Variants in SEL1L2 observed in about 807,000 individuals in gnomAD.
SEL1L2 encodes the protein protein sel-1 homolog 2.
Under a neutral mutation model 98.8 loss-of-function variants are expected in SEL1L2, and 89 were observed. The ratio of observed to expected loss-of-function variants is 0.90; its 90% CI spans 0.76 to 1.07. The LOEUF is 1.07. Among genes scored for constraint, SEL1L2 ranks in the 50% least tolerant of loss-of-function variants. The pLI, the probability that SEL1L2 is intolerant of heterozygous loss-of-function variation, is 0.00. For missense variants in SEL1L2, 788 were observed against 812.0 expected, an observed-to-expected ratio of 0.97 and a Z score of 0.36; for synonymous variants, 262 against 278.5, an observed-to-expected ratio of 0.94 and a Z score of 0.59.
At position 13,913,934 on chromosome 20, in the gene SEL1L2, G is replaced by C. The variant is rs1236910193; in HGVS notation, c.397C>G (p.Leu133Val). The C allele has an allele frequency of 1.3e-6, 2 of 1,560,148 alleles. No individual in the cohort carries two copies. The highest frequency in any genetic ancestry group is 1.7e-6 in the Non-Finnish European group (2 of 1,162,656). ...CCCATGTCAGCTGCTTTGGCAAAAA[G>C]TAGGTAGGCTCTGTTTCAAGAATAT... Reference protein sequence around the residue: ...SQKQKEEAYLLFAKAADMGNL... With the variant: ...SQKQKEEAYLVFAKAADMGNL... Residue 133 changes from leucine to valine, a missense_variant, in exon 5 of 20, where the codon CTT becomes GTT. By Grantham distance (32) the Leu-to-Val change is conservative. Transcript: ENST00000284951.
At position 13,941,322 on chromosome 20, in the gene SEL1L2, C is replaced by T. The variant is rs141330753; in HGVS notation, c.115-9551G>A. Reference sequence around the variant, plus strand: ...CAAGAATGTTTTGATATCACTTCCCCTCATTACTCTTAAAAATCCCTGATC... The same window carrying T: ...CAAGAATGTTTTGATATCACTTCCCTTCATTACTCTTAAAAATCCCTGATC... On this transcript the variant is annotated intron_variant, in intron 2 of 19. Transcript: ENST00000284951. Among the ~76,000 whole-genome samples the T allele has an allele frequency of 3.0e-3, 458 of 152,274 alleles. 1 individual carries two copies. Among genetic ancestry groups the T allele is most frequent in the African/African-American group, 0.01 (420 of 41,558 alleles).
intron 12 of SEL1L2, among the ~76,000 whole-genome samples, chr20:13,875,792 C>T (rs2046401096): frequency 6.6e-6 from 1 of 152,192 alleles, no homozygotes; most frequent in Non-Finnish European, 1.5e-5. Flanking sequence ...TCTGGCTGAA[C>T]TTCTGTCTGG....
chr20:13,946,685 G>A lies in SEL1L2; in HGVS notation c.114+9391C>T, dbSNP rs796753940. ...CACCTTCCTGGGCACAGCTGTAGCC[G>A]CCCAGCTGCGGCTGCAGACCCAGGC... is the stretch of plus-strand genomic sequence containing the variant. On this transcript the variant is annotated intron_variant, in intron 2 of 19. Transcript: ENST00000284951. Among the ~76,000 whole-genome samples, 18 of 152,314 alleles carry A rather than the reference G, an allele frequency of 1.2e-4. No homozygotes were observed. The South Asian group carries it at 1.2e-3, about 11-fold the overall frequency.
At chr20:13,962,024 C>T (rs918217083) in intron 1 of SEL1L2, among the ~76,000 whole-genome samples, 1 of 152,128 alleles carries the variant, frequency 6.6e-6, no homozygotes, top group Non-Finnish European at 1.5e-5. Flanking sequence ...GGAACTTCAT[C>T]GACATCTTGA....
upstream of SEL1L2, among the ~76,000 whole-genome samples, chr20:13,992,381 G>T (rs571096748): frequency 6.6e-6 from 1 of 152,240 alleles, no homozygotes; most frequent in East Asian, 1.9e-4. Context: ...GTAGATGCCT[G>T]TCATCTCAGC....
At chr20:13,924,302 GCTGCA>G (rs2048786183) in intron 3 of SEL1L2, among the ~76,000 whole-genome samples, 1 of 140,398 alleles carries the variant, frequency 7.1e-6, no homozygotes, top group Non-Finnish European at 1.6e-5. Context: ...TTTTTTCTGG[GCTGCA>G]TTCAGGACAA....
intron 5 of SEL1L2, among the ~76,000 whole-genome samples, chr20:13,908,540 T>G (rs759930527): frequency 1.6e-4 from 24 of 152,208 alleles, no homozygotes; most frequent in Non-Finnish European, 2.9e-4. Flanking sequence ...TTTATAATTC[T>G]AATTTCTGCT....
chr20:13,907,946 A>G (rs1412063308), intron 5 of SEL1L2, among the ~76,000 whole-genome samples: 2 of 147,706 alleles, frequency 1.4e-5, no homozygotes, highest in Admixed American at 6.8e-5. Context: ...CCTGGCTAAT[A>G]CTTACTTATT....
At chr20:13,944,614 CAT>C (rs2049928423) in intron 2 of SEL1L2, among the ~76,000 whole-genome samples, 1 of 152,138 alleles carries the variant, frequency 6.6e-6, no homozygotes, top group Admixed American at 6.5e-5. Context: ...GTCTCAGATC[CAT>C]TTTACACATC....
At chr20:13,890,811 A>G (rs2047173535) in intron 5 of SEL1L2, among the ~76,000 whole-genome samples, 1 of 152,166 alleles carries the variant, frequency 6.6e-6, no homozygotes, top group African/African-American at 2.4e-5. Context: ...GAATATCAAC[A>G]AAGAGAAACT....
Position 13,913,773 on chromosome 20 carries a change from A to C in SEL1L2, c.549+9T>G. 6.6e-7 allele frequency: 1 copy of C among 1,509,938 alleles called. No individual in the cohort carries two copies. Among genetic ancestry groups the C allele is most frequent in the Non-Finnish European group, 8.8e-7 (1 of 1,139,744 alleles). 93.5% of individuals were successfully genotyped at this position (1,509,938 alleles called of 1,614,324 possible). ...GCTATTTAAGGTTTCATTTTCCTTCAAAACTCACGTTTTGGGCTTTACATG... is the reference window on the plus strand; with the variant it reads ...GCTATTTAAGGTTTCATTTTCCTTCCAAACTCACGTTTTGGGCTTTACATG... On this transcript the variant is annotated intron_variant, in intron 5 of 19. Transcript: ENST00000284951.
chr20:13,896,736 A>C (rs2047444181), intron 5 of SEL1L2, among the ~76,000 whole-genome samples: 1 of 152,178 alleles, frequency 6.6e-6, no homozygotes. Context: ...ATCACTACAA[A>C]ACATTGCTGA....
chr20:13,904,288 G>T (rs1015431868), intron 5 of SEL1L2, among the ~76,000 whole-genome samples: 1 of 152,160 alleles, frequency 6.6e-6, no homozygotes, highest in Non-Finnish European at 1.5e-5. Flanking sequence ...CAGCACTTTG[G>T]GAGGCCGAGG....
intron 12 of SEL1L2, among the ~76,000 whole-genome samples, chr20:13,871,661 G>A (rs1371174096): frequency 1.9e-5 from 2 of 104,954 alleles, no homozygotes; most frequent in Non-Finnish European, 3.8e-5. Flanking sequence ...ACAGGTGCAC[G>A]CCACCATGCC....
intron 5 of SEL1L2, among the ~76,000 whole-genome samples, chr20:13,896,859 T>A (rs771175348): frequency 4.6e-5 from 7 of 152,124 alleles, no homozygotes; most frequent in Non-Finnish European, 8.8e-5. Context: ...TTTAATGCAA[T>A]CCCTATTAAA....
chr20:13,859,565 AC>A, intron 17 of SEL1L2, 131 bp from the exon 18 acceptor site: 1 of 718,598 alleles, frequency 1.4e-6, no homozygotes, highest in Non-Finnish European at 2.2e-6. Context: ...ATAAAAAGGA[AC>A]CAAAAACACT....
At chr20:13,874,099 C>G (rs992351609) in intron 12 of SEL1L2, among the ~76,000 whole-genome samples, 1 of 152,042 alleles carries the variant, frequency 6.6e-6, no homozygotes, top group African/African-American at 2.4e-5. Flanking sequence ...AGGCAGATGA[C>G]AAAAGTATGG....
At chr20:13,922,399 T>C (rs1204601248) in intron 3 of SEL1L2, among the ~76,000 whole-genome samples, 4 of 152,346 alleles carry the variant, frequency 2.6e-5, no homozygotes, top group East Asian at 3.9e-4. Context: ...GAGTCATTCT[T>C]TCTTGGATGA....
At chr20:13,904,488 A>G (rs2148119315) in intron 5 of SEL1L2, among the ~76,000 whole-genome samples, 1 of 152,244 alleles carries the variant, frequency 6.6e-6, no homozygotes, top group African/African-American at 2.4e-5. Flanking sequence ...AGATGGCGCC[A>G]CTCTACTCCA....
Sources: gnomAD v4.1 joint callset for allele counts (sites outside exome capture counted in the v4.1 genomes callset) on GRCh38, gnomAD v4.1.1 for gene constraint, MANE v1.5 for transcripts, NCBI Gene and HGNC (gene_info 2026-07-23, HGNC 2026-07-21) for gene names.